Variants in PCDH7 observed in about 807,000 individuals in gnomAD.
PCDH7 encodes the protein protocadherin-7.
A neutral mutation model predicts 58.9 loss-of-function variants in PCDH7; 17 were observed. The ratio of observed to expected loss-of-function variants is 0.29; its 90% CI spans 0.20 to 0.43. PCDH7 has a LOEUF of 0.43. Ranked by LOEUF, PCDH7 falls within the 20% of genes least tolerant of loss-of-function variation. PCDH7 has a pLI of 1.00. For synonymous variants in PCDH7, 664 were observed against 616.4 expected, an observed-to-expected ratio of 1.08 and a Z score of -1.14; for missense variants, 1,274 against 1,441.0, an observed-to-expected ratio of 0.88 and a Z score of 1.88.
At chr4:30,852,348 G>A (rs1458697356) in intron 1 of PCDH7, among the ~76,000 whole-genome samples, 1 of 152,020 alleles carries the variant, frequency 6.6e-6, no homozygotes, top group Non-Finnish European at 1.5e-5. Context: ...AAAGCAAAAG[G>A]CAGTGGGGGA....
intron 1 of PCDH7, among the ~76,000 whole-genome samples, chr4:30,766,885 T>A (rs991292954): frequency 7.9e-5 from 12 of 152,130 alleles, no homozygotes; most frequent in Admixed American, 2.0e-4. Context: ...CTGTATTTTT[T>A]CAAGTTGCAA....
At chr4:30,819,461 G>A (rs1728087737) in intron 1 of PCDH7, among the ~76,000 whole-genome samples, 1 of 152,096 alleles carries the variant, frequency 6.6e-6, no homozygotes, top group Non-Finnish European at 1.5e-5. Context: ...GATTAATTAA[G>A]TGCAGATGGT....
At chr4:30,991,210 A>G (rs898824925) in intron 3 of PCDH7, among the ~76,000 whole-genome samples, 26 of 152,196 alleles carry the variant, frequency 1.7e-4, no homozygotes, top group African/African-American at 4.8e-4. Context: ...TTTGAAAATG[A>G]TGTCTGCTAA....
At chr4:30,955,708 C>A (rs61795886) in intron 3 of PCDH7, among the ~76,000 whole-genome samples, 2 of 151,168 alleles carry the variant, frequency 1.3e-5, no homozygotes, top group African/African-American at 4.9e-5. Context: ...ACCACCACAC[C>A]TGGCTAATTT....
exon 2 of PCDH7, chr4:30,732,772 T>C (rs1378025639): frequency 6.6e-6 from 1 of 152,062 alleles, no homozygotes; most frequent in Non-Finnish European, 1.5e-5. Flanking sequence ...GGCTATTTAC[T>C]ATTATGACTG....
At chr4:30,850,478 A>T (rs1475455236) in intron 1 of PCDH7, among the ~76,000 whole-genome samples, 1 of 152,076 alleles carries the variant, frequency 6.6e-6, no homozygotes, top group Non-Finnish European at 1.5e-5. Context: ...ACCTCCAGAG[A>T]ACCTAAGTGA....
chr4:30,851,570 T>A (rs1004689733), intron 1 of PCDH7, among the ~76,000 whole-genome samples: 1 of 152,048 alleles, frequency 6.6e-6, no homozygotes, highest in Non-Finnish European at 1.5e-5. Flanking sequence ...GGACAAACTA[T>A]TTAACATCTC....
At chr4:30,724,011 G>C (rs773855966) in exon 1 of PCDH7, 48 of 1,614,018 alleles carry the variant, frequency 3.0e-5, no homozygotes, top group Non-Finnish European at 4.1e-5. Flanking sequence ...CACTCACCCA[G>C]GATATAGCTG....
At chr4:30,981,422 A>G (rs572386011) in intron 3 of PCDH7, among the ~76,000 whole-genome samples, 4 of 152,312 alleles carry the variant, frequency 2.6e-5, no homozygotes, top group Admixed American at 2.6e-4. Flanking sequence ...TTTAGTTGCA[A>G]AGGAAATGAA....
At chr4:31,130,207 A>T (rs576150797) in intron 3 of PCDH7, among the ~76,000 whole-genome samples, 1 of 152,262 alleles carries the variant, frequency 6.6e-6, no homozygotes, top group Non-Finnish European at 1.5e-5. Flanking sequence ...GGCAGCTATC[A>T]CTAAGGGGTA....
intron 1 of PCDH7, among the ~76,000 whole-genome samples, chr4:30,829,056 T>C (rs1729457582): frequency 1.3e-5 from 2 of 152,032 alleles, no homozygotes; most frequent in Admixed American, 1.3e-4. Context: ...CTAAGCCATA[T>C]ACATGTGCAG....
chr4:30,899,579 C>T (rs1210492988), intron 1 of PCDH7, among the ~76,000 whole-genome samples: 1 of 152,182 alleles, frequency 6.6e-6, no homozygotes, highest in African/African-American at 2.4e-5. Flanking sequence ...GCCTGTCTGC[C>T]AGAACTAGGC....
At chr4:30,928,746 T>C (rs553437715) in intron 2 of PCDH7, among the ~76,000 whole-genome samples, 1 of 152,348 alleles carries the variant, frequency 6.6e-6, no homozygotes, top group Admixed American at 6.5e-5. Flanking sequence ...AAATGTTCTT[T>C]GGCTGCACAT....
At chr4:31,058,196 G>A (rs1049216230) in intron 3 of PCDH7, among the ~76,000 whole-genome samples, 4 of 151,208 alleles carry the variant, frequency 2.6e-5, no homozygotes, top group African/African-American at 7.3e-5. Context: ...ACACACACAC[G>A]CAACAAAAAT....
chr4:31,076,202 T>G (rs1321686312), intron 3 of PCDH7, among the ~76,000 whole-genome samples: 1 of 152,204 alleles, frequency 6.6e-6, no homozygotes, highest in Admixed American at 6.5e-5. Context: ...GTCTGAAGGA[T>G]CAGCTCTGGC....
intron 3 of PCDH7, among the ~76,000 whole-genome samples, chr4:31,117,023 G>A (rs1415879353): frequency 1.3e-5 from 2 of 151,934 alleles, no homozygotes; most frequent in Admixed American, 1.3e-4. Context: ...TTAGAATTTT[G>A]TATTTTTAGT....
Position 30,879,687 on chromosome 4 carries a change from T to G in PCDH7, c.71-40466T>G, listed in dbSNP as rs370911514. ...ATGATATGCAATATTGAGCAGATTA[T>G]ATCATGCTTAATTTTACATATTCAT... is the stretch of plus-strand genomic sequence containing the variant. On this transcript the variant is annotated intron_variant, in intron 1 of 3. Coordinates refer to the PCDH7 transcript ENST00000509759. Among the ~76,000 whole-genome samples, 74 of 152,286 alleles carry G rather than the reference T, an allele frequency of 4.9e-4. 2 individuals carry two copies. In the East Asian group the frequency reaches 0.012, roughly 25 times the overall value.
chr4:30,960,282 C>T lies in PCDH7; in HGVS notation c.*7+10067C>T, dbSNP rs142058922. ...TAATGGGTGCAATAGAATATTTTGC[C>T]ATTAAAATAGGATTATCTCTTCGAG... On this transcript the variant is annotated intron_variant, in intron 3 of 3. Transcript: ENST00000509759. 3.0e-4 allele frequency among the ~76,000 whole-genome samples: 46 copies of T among 151,942 alleles called. No homozygotes were observed. The East Asian group carries it at 8.7e-3, about 29-fold the overall frequency.
At chr4:30,781,815 C>T (rs546186324) in intron 1 of PCDH7, among the ~76,000 whole-genome samples, 4 of 151,796 alleles carry the variant, frequency 2.6e-5, no homozygotes, top group Admixed American at 1.3e-4. Context: ...GGATTACAAG[C>T]GTGAGCCACC....
Sources: gnomAD v4.1 joint callset for allele counts (sites outside exome capture counted in the v4.1 genomes callset) on GRCh38, gnomAD v4.1.1 for gene constraint, MANE v1.5 for transcripts, NCBI Gene and HGNC (gene_info 2026-07-23, HGNC 2026-07-21) for gene names.